DGKK: variants seen among roughly 807,000 people sequenced by gnomAD.
The protein encoded by DGKK is 142 kDa diacylglycerol kinase.
DGKK carries 35 observed loss-of-function variants against 92.2 expected under a neutral mutation model. That is an observed-to-expected ratio of 0.38 (90% CI 0.29 to 0.50). The LOEUF (loss-of-function observed/expected upper bound fraction) is 0.50. Among genes scored for constraint, DGKK ranks in the 20% least tolerant of loss-of-function variants. The pLI is 0.92. For missense variants in DGKK, 910 were observed against 992.2 expected (o/e 0.92, Z 1.11); for synonymous variants, 368 against 360.6 (o/e 1.02, Z -0.23).
intron 4 of DGKK, among the ~76,000 whole-genome samples, chrX:50,413,559 T>A (rs1443927612): frequency 8.9e-6 from 1 of 112,083 alleles, no homozygotes; most frequent in Admixed American, 9.4e-5. Flanking sequence ...GAACAGATAT[T>A]TCTCAAAAGA....
chrX:50,397,967 TCAAA>T (rs1557226261), intron 8 of DGKK, among the ~76,000 whole-genome samples: 1 of 110,917 alleles, frequency 9.0e-6, no homozygotes, highest in Non-Finnish European at 1.9e-5. Context: ...ACAGAAGCTG[TCAAA>T]CAGAGAAGAC....
chrX:50,404,853 A>C (rs1156614285), intron 4 of DGKK, among the ~76,000 whole-genome samples: 1 of 110,970 alleles, frequency 9.0e-6, no homozygotes, highest in Non-Finnish European at 1.9e-5. Context: ...GGAATATTAT[A>C]ATAAGGCTTT....
At chrX:50,371,402 A>C (rs1924122730) in intron 26 of DGKK, among the ~76,000 whole-genome samples, 1 of 111,958 alleles carries the variant, frequency 8.9e-6, no homozygotes, top group Non-Finnish European at 1.9e-5. Context: ...GGGAGGGGGA[A>C]TTTGCAGCCA....
At chrX:50,431,571 A>G (rs1925889175) in intron 1 of DGKK, among the ~76,000 whole-genome samples, 1 of 111,416 alleles carries the variant, frequency 9.0e-6, no homozygotes, top group African/African-American at 3.3e-5. Flanking sequence ...GAACTGAATT[A>G]TTACGGGCAC....
At chrX:50,443,704 T>TTGTGTGTG (rs58486620) in intron 1 of DGKK, among the ~76,000 whole-genome samples, 1,201 of 99,558 alleles carry the variant, frequency 0.012, 10 homozygotes, top group Middle Eastern at 0.031. Context: ...TGCACTCATT[T>TTGTGTGTG]TGTGTGTGTG....
chrX:50,371,734 A>G lies in DGKK; in HGVS notation c.3602T>C (p.Phe1201Ser). ...LSEIDWMNPI[F>S]VPEEKSSDTD... The stretch of plus-strand genomic sequence containing the variant: ...CCCAAGATTACGCACCTCTGGAACA[A>G]AGATTGGATTCATCCAGTCAATCTC... Residue 1201 changes from phenylalanine to serine, a missense_variant, in exon 26 of 28, where the codon TTT (phenylalanine) becomes TCT (serine). Physicochemically the swap from Phe to Ser is radical, Grantham distance 155 (BLOSUM62 -2). Transcript: ENST00000611977. The G allele has an allele frequency of 8.3e-7, 1 of 1,199,076 alleles. No individual in the cohort carries two copies.
chrX:50,415,472 G>T (rs1380369268), intron 4 of DGKK, among the ~76,000 whole-genome samples: 2 of 111,760 alleles, frequency 1.8e-5, no homozygotes, highest in Non-Finnish European at 3.8e-5. Flanking sequence ...GCTTGCTGCT[G>T]CTGCCCAGCA....
Position 50,376,114 on chromosome X carries a change from A to G in DGKK, c.3324T>C (p.Ser1108=), listed in dbSNP as rs1557223809. ...IHQHVSVLMG[S]VNASANILND... is the part of the protein sequence containing the mutation. ...TCAGGATGTTAGCGCTGGCATTCAC[A>G]GAACCCATGAGGACAGACACATGCT... Residue 1108 remains serine (S), a synonymous_variant, in exon 24 of 28, where the codon TCT becomes TCC. Transcript: ENST00000611977. 8.3e-6 allele frequency: 10 copies of G among 1,211,438 alleles called. No individual in the cohort carries two copies. Among genetic ancestry groups the G allele is most frequent in the Non-Finnish European group, 1.1e-5 (10 of 895,261 alleles).
intron 1 of DGKK, among the ~76,000 whole-genome samples, chrX:50,459,869 G>A (rs1459425037): frequency 9.0e-6 from 1 of 111,644 alleles, no homozygotes; most frequent in African/African-American, 3.2e-5. Context: ...CTAATTTTCT[G>A]AAATCAAGAA....
At chrX:50,415,259 A>G (rs1925404331) in intron 4 of DGKK, among the ~76,000 whole-genome samples, 1 of 112,188 alleles carries the variant, frequency 8.9e-6, no homozygotes. Context: ...CCAGAGGATT[A>G]CAGATGCTCC....
intron 17 of DGKK, 101 bp downstream of exon 17, chrX:50,384,067 T>A (rs1924477046): frequency 2.1e-6 from 1 of 468,300 alleles, no homozygotes. Context: ...GTGACACAGC[T>A]AGTAAGTAAG....
chrX:50,434,888 T>C (rs1160818813), intron 1 of DGKK, among the ~76,000 whole-genome samples: 1 of 111,913 alleles, frequency 8.9e-6, no homozygotes, highest in African/African-American at 3.3e-5. Context: ...ATGCCTCACT[T>C]AAAGACAGAG....
chrX:50,447,357 A>ATT (rs59456316), intron 1 of DGKK, among the ~76,000 whole-genome samples: 92 of 8,131 alleles, frequency 0.011, 3 homozygotes, highest in East Asian at 0.031. Flanking sequence ...ATATATATAT[A>ATT]ATATATATAT....
chrX:50,391,219 C>A (rs1557225500), intron 11 of DGKK, among the ~76,000 whole-genome samples: 3 of 111,122 alleles, frequency 2.7e-5, no homozygotes, highest in Non-Finnish European at 5.7e-5. Context: ...CCAGTAGGAT[C>A]CTTTAGTTTT....
chrX:50,436,167 T>A (rs1557230754), intron 1 of DGKK, among the ~76,000 whole-genome samples: 1 of 112,196 alleles, frequency 8.9e-6, no homozygotes, highest in East Asian at 2.8e-4. Context: ...CCAATGTGAA[T>A]GTATTCTTGG....
In DGKK at chrX:50,470,249, C is replaced by G; in HGVS notation, c.430G>C (p.Glu144Gln). 1 of 1,210,275 alleles carries G rather than the reference C, an allele frequency of 8.3e-7. No homozygotes were observed. The highest frequency in any genetic ancestry group is 3.0e-5 in the East Asian group (1 of 33,816). Residue 144 changes from glutamate (E) to glutamine (Q), a missense_variant, in exon 1 of 28, where the codon GAA becomes CAA. Transcript: ENST00000611977. ...TCTGGGGCCAGCTCTGGGGCAACTT[C>G]TGGAGTCAGCTCTGGGGCCGGCTCT... ...VPEPAPELTP[E>Q]VAPELAPEPT...
intron 1 of DGKK, among the ~76,000 whole-genome samples, chrX:50,442,224 T>A (rs782167369): frequency 8.9e-6 from 1 of 111,755 alleles, no homozygotes; most frequent in African/African-American, 3.2e-5. Context: ...TATAATGCCA[T>A]CTATTTTCTG....
intron 1 of DGKK, among the ~76,000 whole-genome samples, chrX:50,465,232 G>A (rs1228278484): frequency 9.0e-6 from 1 of 110,507 alleles, no homozygotes; most frequent in East Asian, 2.8e-4. Flanking sequence ...CTTTGATGAG[G>A]GTGAGGATAA....
At chrX:50,392,492 G>A in intron 9 of DGKK, 43 bp from the exon 10 acceptor site, 2 of 1,083,696 alleles carry the variant, frequency 1.8e-6, no homozygotes, top group Non-Finnish European at 2.6e-6. Context: ...ATGAACAGCT[G>A]GGTTTTGTAA....
Sources: allele counts gnomAD v4.1 joint callset (sites outside exome capture counted in the v4.1 genomes callset), GRCh38; gene constraint gnomAD v4.1.1; transcripts MANE v1.5; gene names NCBI Gene and HGNC (gene_info 2026-07-23, HGNC 2026-07-21).